DPP6: variants seen among roughly 807,000 people sequenced by gnomAD.
DPP6 encodes A-type potassium channel modulatory protein DPP6.
DPP6 carries 69 observed loss-of-function variants against 122.6 expected under a neutral mutation model. The ratio of observed to expected loss-of-function variants is 0.56; its 90% CI spans 0.46 to 0.69. The LOEUF is 0.69. Ranked by LOEUF, DPP6 falls within the 30% of genes least tolerant of loss-of-function variation. The pLI is 0.00. For missense variants in DPP6, 928 were observed against 1,116.9 expected, an observed-to-expected ratio of 0.83 and a Z score of 2.41; for synonymous variants, 418 against 433.1, an observed-to-expected ratio of 0.97 and a Z score of 0.43.
At chr7:154,503,258 C>T (rs1268394032) in intron 3 of DPP6, among the ~76,000 whole-genome samples, 19 of 152,220 alleles carry the variant, frequency 1.2e-4, no homozygotes, top group Admixed American at 1.2e-3. Flanking sequence ...CAAGTATTCA[C>T]AGAGCATCTT....
intron 5 of DPP6, among the ~76,000 whole-genome samples, chr7:154,623,581 GCACACGCGCACA>G (rs1252288083): frequency 2.2e-5 from 3 of 137,006 alleles, no homozygotes; most frequent in African/African-American, 5.4e-5. Flanking sequence ...ACACACGCAC[GCACACGCGCACA>G]CACACGCTGA....
At chr7:154,807,341 T>C (rs1018728799) in intron 16 of DPP6, among the ~76,000 whole-genome samples, 5 of 152,192 alleles carry the variant, frequency 3.3e-5, no homozygotes, top group African/African-American at 1.2e-4. Flanking sequence ...GGTGTACAGC[T>C]TATCAGAGTG....
At chr7:154,575,362 GTGAT>G (rs1831529122) in intron 5 of DPP6, among the ~76,000 whole-genome samples, 1 of 108,222 alleles carries the variant, frequency 9.2e-6, no homozygotes, top group Non-Finnish European at 1.9e-5. Flanking sequence ...TGGTGTGTGT[GTGAT>G]GTGTGTGTAT....
At chr7:154,443,510 GGA>G (rs2151283677) in intron 1 of DPP6, among the ~76,000 whole-genome samples, 1 of 16,806 alleles carries the variant, frequency 6.0e-5, no homozygotes, top group Non-Finnish European at 2.2e-4. Flanking sequence ...ACAGATACAT[GGA>G]TGGATGGATG....
chr7:154,883,785 TTACA>T lies in DPP6; in HGVS notation c.2134-1843_2134-1840del, dbSNP rs1287154355. On this transcript the variant is annotated intron_variant, in intron 21 of 25. Transcript: ENST00000377770. ...TACTCACACACACATGCTCACACAA[TTACA>T]TACACCGACTCACGCACACATGCTC... 475 of 122,206 alleles carry T rather than the reference TTACA, an allele frequency of 3.9e-3. 21 individuals carry two copies. The highest frequency in any genetic ancestry group is 0.036 in the Admixed American group (448 of 12,460). The allele number at this position is 122,206 out of a possible 1,614,324, so 7.6% of individuals were successfully genotyped here.
Position 154,183,505 on chromosome 7 carries a change from C to G in DPP6, c.243+130442C>G, listed in dbSNP as rs183989715. Among the ~76,000 whole-genome samples, 18 of 152,260 alleles carry G rather than the reference C, an allele frequency of 1.2e-4. No homozygotes were observed. The East Asian group carries it at 2.7e-3, about 23-fold the overall frequency. ...AATTCCTGTAAGGGCAGAATCACCT[C>G]GGGGAGTGGTTCTTCCGGAGTGGTG... is the stretch of plus-strand genomic sequence containing the variant. On this transcript the variant is annotated intron_variant, in intron 1 of 25. Coordinates refer to ENST00000377770, the MANE Select transcript of DPP6 (RefSeq NM_130797.4).
chr7:154,499,425 T>C (rs774958915), intron 3 of DPP6, among the ~76,000 whole-genome samples: 21 of 152,110 alleles, frequency 1.4e-4, no homozygotes, highest in Non-Finnish European at 2.5e-4. Flanking sequence ...TCTTAGACCA[T>C]AGGTGTGCCT....
intron 2 of DPP6, among the ~76,000 whole-genome samples, chr7:154,465,072 C>G (rs901980312): frequency 1.3e-5 from 2 of 152,216 alleles, no homozygotes; most frequent in Admixed American, 1.3e-4. Context: ...ATCTCTCACT[C>G]TCTTTCAAAA....
chr7:154,712,917 C>T (rs1362144234), intron 7 of DPP6, among the ~76,000 whole-genome samples: 2 of 152,188 alleles, frequency 1.3e-5, no homozygotes, highest in Non-Finnish European at 2.9e-5. Flanking sequence ...CCAGCATTAA[C>T]TCAAAAGTCC....
At chr7:154,520,509 C>T (rs1826885940) in intron 3 of DPP6, among the ~76,000 whole-genome samples, 1 of 152,240 alleles carries the variant, frequency 6.6e-6, no homozygotes, top group African/African-American at 2.4e-5. Flanking sequence ...TTGGACCAAG[C>T]TCTTTCCAAC....
At chr7:153,790,618 G>A in the DPP6 span, among the ~76,000 whole-genome samples, 14 of 152,242 alleles carry the variant, frequency 9.2e-5, no homozygotes, top group East Asian at 1.9e-4. Context: ...AAATGTTTCC[G>A]TTGATACTGA....
At chr7:154,664,639 T>C (rs1300284246) in intron 6 of DPP6, among the ~76,000 whole-genome samples, 1 of 151,686 alleles carries the variant, frequency 6.6e-6, no homozygotes, top group African/African-American at 2.4e-5. Flanking sequence ...GCCTGTGCTG[T>C]GCTCCATATG....
At chr7:154,850,785 G>T (rs1221672158) in intron 16 of DPP6, among the ~76,000 whole-genome samples, 1 of 152,146 alleles carries the variant, frequency 6.6e-6, no homozygotes, top group East Asian at 1.9e-4. Flanking sequence ...TGTGTTATCA[G>T]CTGTAACATC....
chr7:154,187,573 C>T (rs1243101002), intron 1 of DPP6, among the ~76,000 whole-genome samples: 1 of 152,186 alleles, frequency 6.6e-6, no homozygotes, highest in Non-Finnish European at 1.5e-5. Context: ...ATACTCTCTA[C>T]TGTTAGTTAC....
intron 2 of DPP6, among the ~76,000 whole-genome samples, chr7:154,455,052 T>A (rs1035613833): frequency 2.0e-5 from 3 of 152,136 alleles, no homozygotes; most frequent in African/African-American, 7.2e-5. Flanking sequence ...ATTGTCAAAG[T>A]CCAGGTGGGC....
chr7:154,780,134 C>T (rs1232428831), intron 10 of DPP6, among the ~76,000 whole-genome samples: 1 of 152,140 alleles, frequency 6.6e-6, no homozygotes, highest in Non-Finnish European at 1.5e-5. Flanking sequence ...CAGACCAGGG[C>T]AGGGTCTTTG....
At chr7:154,577,488 G>A (rs1831760929) in intron 5 of DPP6, among the ~76,000 whole-genome samples, 1 of 152,106 alleles carries the variant, frequency 6.6e-6, no homozygotes, top group South Asian at 2.1e-4. Context: ...AGCCGTGTGG[G>A]GTGTCTGTGA....
intron 8 of DPP6, among the ~76,000 whole-genome samples, chr7:154,756,489 G>C (rs915875108): frequency 3.3e-5 from 5 of 152,190 alleles, no homozygotes; most frequent in African/African-American, 1.2e-4. Context: ...AGGGCAGCCT[G>C]CTTCTATCCC....
At chr7:154,218,901 G>A (rs1012525993) in intron 1 of DPP6, among the ~76,000 whole-genome samples, 1 of 152,176 alleles carries the variant, frequency 6.6e-6, no homozygotes, top group Non-Finnish European at 1.5e-5. Flanking sequence ...AGTCAAAAAA[G>A]CTAGTGCTAG....
Sources: allele counts gnomAD v4.1 joint callset (sites outside exome capture counted in the v4.1 genomes callset), GRCh38; gene constraint gnomAD v4.1.1; transcripts MANE v1.5; gene names NCBI Gene and HGNC (gene_info 2026-07-23, HGNC 2026-07-21).